The following ERLEC1 variants were observed in gnomAD, a reference collection of about 807,000 sequenced individuals.
ERLEC1 encodes the protein ER lectin.
A neutral mutation model predicts 68.0 loss-of-function variants in ERLEC1; 47 were observed. The ratio of observed to expected loss-of-function variants is 0.69; its 90% CI spans 0.55 to 0.88. The LOEUF (loss-of-function observed/expected upper bound fraction) is 0.88, where lower values mean the gene tolerates loss of function less well. Among genes scored for constraint, ERLEC1 ranks in the 40% least tolerant of loss-of-function variants. The pLI is 0.00. For synonymous variants in ERLEC1, 225 were observed against 203.2 expected, an observed-to-expected ratio of 1.11 and a Z score of -0.91; for missense variants, 567 against 583.8, an observed-to-expected ratio of 0.97 and a Z score of 0.30.
intron 8 of ERLEC1, among the ~76,000 whole-genome samples, chr2:53,803,190 G>A (rs1282657329): frequency 6.6e-6 from 1 of 152,162 alleles, no homozygotes; most frequent in Non-Finnish European, 1.5e-5. Flanking sequence ...TGCAAGGCTT[G>A]TTTCTTTGCT....
In ERLEC1 at chr2:53,787,124, CG is replaced by C; in HGVS notation, c.-86del. On this transcript the variant is annotated 5_prime_UTR_variant, in exon 1 of 14. Transcript: ENST00000185150. ...ATACCCGGGCGCTTTATAGTCCCGC[CG>C]CCTCCTCCTCCACCTCCTCCTCCTC... 1.7e-5 allele frequency: 21 copies of C among 1,265,746 alleles called. No homozygotes were observed. The highest frequency in any genetic ancestry group is 3.0e-4 in the Middle Eastern group (1 of 3,386). The allele number at this position is 1,265,746 out of a possible 1,614,324, so 78.4% of individuals were successfully genotyped here.
chr2:53,816,147 C>G (rs1558609779), intron 13 of ERLEC1, among the ~76,000 whole-genome samples: 1 of 152,066 alleles, frequency 6.6e-6, no homozygotes, highest in Non-Finnish European at 1.5e-5. Flanking sequence ...GTGGCGCAAT[C>G]TTGGCTCACT....
At chr2:53,814,683 A>C (rs935011595) in intron 12 of ERLEC1, 63 bp downstream of exon 12, 2 of 1,204,010 alleles carry the variant, frequency 1.7e-6, no homozygotes, top group Admixed American at 3.8e-5. Context: ...TATGGACAAA[A>C]GTTTTATGTA....
intron 13 of ERLEC1, 31 bp from the exon 14 acceptor site, chr2:53,817,867 A>G: frequency 6.8e-7 from 1 of 1,472,974 alleles, no homozygotes; most frequent in African/African-American, 1.4e-5. Flanking sequence ...CAGCTTAGCA[A>G]CTTTTTAATG....
intron 13 of ERLEC1, among the ~76,000 whole-genome samples, chr2:53,815,720 G>A (rs1033821386): frequency 3.3e-5 from 5 of 151,870 alleles, no homozygotes; most frequent in African/African-American, 1.2e-4. Context: ...TTTTTTGGTG[G>A]TGTTTTGTTT....
At chr2:53,807,811 C>T (rs1182056386) in intron 8 of ERLEC1, among the ~76,000 whole-genome samples, 2 of 151,958 alleles carry the variant, frequency 1.3e-5, no homozygotes, top group Non-Finnish European at 2.9e-5. Flanking sequence ...TGAGAACAGC[C>T]TGGCCAACAT....
At chr2:53,813,804 A>C (rs941380549) in intron 11 of ERLEC1, among the ~76,000 whole-genome samples, 2 of 149,870 alleles carry the variant, frequency 1.3e-5, no homozygotes, top group Non-Finnish European at 1.5e-5. Flanking sequence ...TTTTTTTTTT[A>C]ATACTTTAAG....
At chr2:53,793,701 C>T (rs1056991887) in intron 1 of ERLEC1, among the ~76,000 whole-genome samples, 7 of 152,026 alleles carry the variant, frequency 4.6e-5, no homozygotes, top group African/African-American at 1.2e-4. Flanking sequence ...CCCACCTCAA[C>T]CTCCCAAGTA....
intron 1 of ERLEC1, among the ~76,000 whole-genome samples, chr2:53,792,102 G>A (rs1675437528): frequency 6.6e-6 from 1 of 151,862 alleles, no homozygotes; most frequent in African/African-American, 2.4e-5. Flanking sequence ...TTTTAGTAGA[G>A]ACAGGGTTTC....
At position 53,817,937 on chromosome 2, in the gene ERLEC1, G is replaced by T; in HGVS notation, c.1420G>T (p.Asp474Tyr). Reference sequence around the variant, plus strand: ...GATCTGTAAAATCTTAGATACAGCAGATGAAAATGGACTTCTTTCTCTCCC... The same window carrying T: ...GATCTGTAAAATCTTAGATACAGCATATGAAAATGGACTTCTTTCTCTCCC... ...PVICKILDTA[D>Y]ENGLLSLPN Residue 474 changes from aspartate (D) to tyrosine (Y), a missense_variant, in exon 14 of 14, where the codon GAT becomes TAT. Coordinates refer to ENST00000185150, the MANE Select transcript of ERLEC1 (RefSeq NM_015701.5). 1 of 1,602,218 alleles carries T rather than the reference G, an allele frequency of 6.2e-7. No homozygotes were observed. Among genetic ancestry groups the T allele is most frequent in the Non-Finnish European group, 8.6e-7 (1 of 1,169,556 alleles).
intron 1 of ERLEC1, 37 bp from the exon 2 acceptor site, chr2:53,794,308 C>G: frequency 1.1e-6 from 1 of 902,568 alleles, no homozygotes; most frequent in Non-Finnish European, 1.7e-6. Context: ...TACAATTTCA[C>G]GGAGAACATA....
Position 53,809,254 on chromosome 2 carries a change from A to G in ERLEC1, c.1082A>G (p.His361Arg). The G allele has an allele frequency of 6.3e-7, 1 of 1,577,510 alleles. No homozygotes were observed. Among genetic ancestry groups the G allele is most frequent in the Non-Finnish European group, 8.6e-7 (1 of 1,169,474 alleles). The change falls in exon 10 of 14, where the codon CAT (histidine) becomes CGT (arginine). Residue 361 changes from histidine to arginine, a missense_variant. By Grantham distance (29) the His-to-Arg change is conservative. Transcript: ENST00000185150. ...AAATATGAATTCTGCTATGGCAAAC[A>G]TGTACATCAATACCATGAGGTATAG... ...WWKYEFCYGK[H>R]VHQYHEDKDS...
intron 1 of ERLEC1, among the ~76,000 whole-genome samples, chr2:53,789,873 G>C (rs1049626682): frequency 6.6e-6 from 1 of 151,846 alleles, no homozygotes; most frequent in Non-Finnish European, 1.5e-5. Flanking sequence ...AAAAAAATTA[G>C]CCGGGCATGG....
At chr2:53,788,317 A>C (rs1384440230) in intron 1 of ERLEC1, among the ~76,000 whole-genome samples, 1 of 152,248 alleles carries the variant, frequency 6.6e-6, no homozygotes, top group Non-Finnish European at 1.5e-5. Flanking sequence ...AAGATGTGTC[A>C]AGTTAATGGA....
chr2:53,808,636 T>C (rs1676428662), intron 9 of ERLEC1, among the ~76,000 whole-genome samples, 176 bp downstream of exon 9: 1 of 152,208 alleles, frequency 6.6e-6, no homozygotes, highest in Non-Finnish European at 1.5e-5. Context: ...TGTAATCTAA[T>C]CCATAGCTTT....
At chr2:53,810,483 CTACTTA>C (rs1158100216) in intron 10 of ERLEC1, among the ~76,000 whole-genome samples, 1 of 152,112 alleles carries the variant, frequency 6.6e-6, no homozygotes, top group Non-Finnish European at 1.5e-5. Flanking sequence ...GTTATTTGTC[CTACTTA>C]TACTTTGTTT....
intron 2 of ERLEC1, among the ~76,000 whole-genome samples, chr2:53,795,654 T>C (rs1675654084): frequency 6.6e-6 from 1 of 152,208 alleles, no homozygotes; most frequent in African/African-American, 2.4e-5. Flanking sequence ...AAAAACCTTT[T>C]TTCCCTCCAT....
intron 8 of ERLEC1, among the ~76,000 whole-genome samples, chr2:53,804,564 C>G (rs547239124): frequency 6.6e-6 from 1 of 152,172 alleles, no homozygotes; most frequent in Non-Finnish European, 1.5e-5. Flanking sequence ...GCATGAGCCA[C>G]CACGTGTGGC....
chr2:53,799,604 A>G (rs1268429163), intron 6 of ERLEC1, among the ~76,000 whole-genome samples: 4 of 152,334 alleles, frequency 2.6e-5, no homozygotes, highest in South Asian at 4.1e-4. Context: ...GGACGTTTAA[A>G]AAGAATAATT....
Sources: allele counts gnomAD v4.1 joint callset (sites outside exome capture counted in the v4.1 genomes callset), GRCh38; gene constraint gnomAD v4.1.1; transcripts MANE v1.5; gene names NCBI Gene and HGNC (gene_info 2026-07-23, HGNC 2026-07-21).